The following GLIS1 variants were observed in gnomAD, a reference collection of about 807,000 sequenced individuals.
GLIS1 encodes GLIS family zinc finger 1.
In GLIS1, 24 loss-of-function variants were observed where a neutral mutation model predicts 63.8. That is an observed-to-expected ratio of 0.38 (90% CI 0.27 to 0.53). The LOEUF is 0.53. Among genes scored for constraint, GLIS1 ranks in the 20% least tolerant of loss-of-function variants. The pLI is 0.85. For missense variants in GLIS1, 1,036 were observed against 1,074.1 expected (o/e 0.96, Z 0.50); for synonymous variants, 450 against 482.5 (o/e 0.93, Z 0.88).
At chr1:53,730,072 C>T (rs1047848409) in intron 2 of GLIS1, among the ~76,000 whole-genome samples, 1 of 152,080 alleles carries the variant, frequency 6.6e-6, no homozygotes, top group African/African-American at 2.4e-5. Context: ...GAGGGTTGGA[C>T]TTGAGACTGC....
At chr1:53,714,743 G>A (rs890646909) in intron 2 of GLIS1, among the ~76,000 whole-genome samples, 2 of 152,324 alleles carry the variant, frequency 1.3e-5, no homozygotes, top group Admixed American at 6.5e-5. Flanking sequence ...TGGGGAGATG[G>A]ACACCCAGTG....
chr1:53,525,791 C>A (rs970074646), intron 5 of GLIS1, among the ~76,000 whole-genome samples: 2 of 152,068 alleles, frequency 1.3e-5, no homozygotes, highest in Non-Finnish European at 2.9e-5. Flanking sequence ...CCTCAGCTCT[C>A]CCGCAGCCAC....
At chr1:53,586,749 G>C (rs1645139624) in intron 4 of GLIS1, among the ~76,000 whole-genome samples, 1 of 152,188 alleles carries the variant, frequency 6.6e-6, no homozygotes. Context: ...GGGTAGACGT[G>C]ACAGTCTTTA....
At position 53,539,271 on chromosome 1, in the gene GLIS1, G is replaced by T. The variant is rs1644614967; in HGVS notation, c.1321-9319C>A. On this transcript the variant is annotated intron_variant, in intron 4 of 10. Transcript: ENST00000628545. The surrounding 1 kb of genome is among the most constrained non-coding windows in gnomAD (Gnocchi z 5.0). ...ACACACACACACACACCAAGACCCA[G>T]AAACTCCCTCACACACACACACACA... is the stretch of plus-strand genomic sequence containing the variant. Among the ~76,000 whole-genome samples the T allele has an allele frequency of 2.2e-5, 2 of 89,704 alleles. No homozygotes were observed. Among genetic ancestry groups the T allele is most frequent in the African/African-American group, 7.7e-5 (2 of 25,954 alleles). 58.8% of individuals were successfully genotyped at this position (89,704 alleles called of 152,430 possible). A position where few individuals can be genotyped will look rare whatever the true frequency, so the allele number is the denominator to read the frequency against.
chr1:53,638,147 G>A (rs773587560), intron 2 of GLIS1, among the ~76,000 whole-genome samples: 7 of 152,208 alleles, frequency 4.6e-5, no homozygotes, highest in African/African-American at 7.2e-5. Flanking sequence ...GAGGCCACAC[G>A]GTGTAAGGGT....
intron 9 of GLIS1, 32 bp from the exon 10 acceptor site, chr1:53,509,319 C>A (rs1351756452): frequency 6.5e-7 from 1 of 1,527,348 alleles, no homozygotes; most frequent in Non-Finnish European, 8.9e-7. Context: ...GCCGCGTTCA[C>A]AAAGGAGAAG....
At chr1:53,541,530 G>C (rs1358456327) in intron 4 of GLIS1, among the ~76,000 whole-genome samples, 1 of 152,268 alleles carries the variant, frequency 6.6e-6, no homozygotes, top group African/African-American at 2.4e-5. Flanking sequence ...TGGACTCACA[G>C]TGGGCACTTA....
intron 7 of GLIS1, among the ~76,000 whole-genome samples, chr1:53,518,144 G>A (rs1644371103): frequency 6.6e-6 from 1 of 152,172 alleles, no homozygotes; most frequent in African/African-American, 2.4e-5. Flanking sequence ...CCAGGACCCC[G>A]GGCTTCACCT....
chr1:53,515,938 T>C (rs1644348398), intron 7 of GLIS1, among the ~76,000 whole-genome samples: 1 of 151,758 alleles, frequency 6.6e-6, no homozygotes, highest in East Asian at 1.9e-4. Flanking sequence ...CTCATCTCTC[T>C]AGGAAGTGGC....
chr1:53,508,295 G>C (rs1263969913), intron 10 of GLIS1, among the ~76,000 whole-genome samples: 1 of 152,210 alleles, frequency 6.6e-6, no homozygotes, highest in Non-Finnish European at 1.5e-5. Context: ...GTGTGGACGT[G>C]GACCCACAGG....
intron 2 of GLIS1, among the ~76,000 whole-genome samples, chr1:53,731,679 A>C (rs1421070425): frequency 1.3e-5 from 2 of 152,156 alleles, no homozygotes; most frequent in Admixed American, 6.5e-5. Context: ...CTTTCTTCCT[A>C]GGGCTGCTGG....
intron 2 of GLIS1, among the ~76,000 whole-genome samples, chr1:53,648,130 C>T (rs1043569056): frequency 2.6e-5 from 4 of 151,884 alleles, no homozygotes; most frequent in Admixed American, 6.6e-5. Flanking sequence ...GCCGTGATTG[C>T]GCCACTGCAT....
At chr1:53,565,835 C>T (rs1260556545) in intron 4 of GLIS1, among the ~76,000 whole-genome samples, 3 of 152,016 alleles carry the variant, frequency 2.0e-5, no homozygotes, top group Non-Finnish European at 4.4e-5. Context: ...TACTCCCAAA[C>T]TCACTCCATA....
intron 2 of GLIS1, among the ~76,000 whole-genome samples, chr1:53,732,152 A>G (rs187731394): frequency 2.7e-4 from 41 of 152,370 alleles, no homozygotes; most frequent in Admixed American, 2.5e-3. Context: ...TAACTTTAAA[A>G]ACACAGCTCG....
intron 4 of GLIS1, among the ~76,000 whole-genome samples, chr1:53,547,986 A>G (rs188506978): frequency 7.6e-4 from 115 of 152,288 alleles, no homozygotes; most frequent in African/African-American, 2.7e-3. Flanking sequence ...AGCATATAAA[A>G]CTTTTACAAA....
At chr1:53,530,287 T>C (rs1299973236) in intron 4 of GLIS1, among the ~76,000 whole-genome samples, 1 of 152,170 alleles carries the variant, frequency 6.6e-6, no homozygotes, top group African/African-American at 2.4e-5. Flanking sequence ...CAGCCCCGAA[T>C]CAGGGCAGGG....
intron 2 of GLIS1, among the ~76,000 whole-genome samples, chr1:53,731,196 C>T (rs2100573688): frequency 6.6e-6 from 1 of 152,228 alleles, no homozygotes; most frequent in African/African-American, 2.4e-5. Context: ...GCGGTCCCTC[C>T]TAGGGGCCCC....
chr1:53,558,612 A>G (rs1569826175), intron 4 of GLIS1, among the ~76,000 whole-genome samples: 2 of 152,068 alleles, frequency 1.3e-5, no homozygotes, highest in Non-Finnish European at 2.9e-5. Context: ...TGGCTTCCCC[A>G]CTAGACTGGG....
intron 4 of GLIS1, among the ~76,000 whole-genome samples, chr1:53,569,486 T>TAAA (rs36037749): frequency 6.6e-6 from 1 of 151,490 alleles, no homozygotes; most frequent in African/African-American, 2.4e-5. Flanking sequence ...TTTTTTTTTT[T>TAAA]AAAAAAGCCT....
Sources: gnomAD v4.1 joint callset for allele counts (sites outside exome capture counted in the v4.1 genomes callset) on GRCh38, gnomAD v4.1.1 for gene constraint, Gnocchi (gnomAD v3.1) non-coding constraint, MANE v1.5 for transcripts, NCBI Gene and HGNC (gene_info 2026-07-23, HGNC 2026-07-21) for gene names.